The following CLIC2 variants were observed in gnomAD, a reference collection of about 807,000 sequenced individuals.
CLIC2 encodes the protein chloride intracellular channel protein 2.
Under a neutral mutation model 14.8 loss-of-function variants are expected in CLIC2, and 9 were observed. The ratio of observed to expected loss-of-function variants is 0.61; its 90% confidence interval spans 0.37 to 1.06. CLIC2 has a LOEUF of 1.06. Among genes scored for constraint, CLIC2 ranks in the 50% least tolerant of loss-of-function variants. The pLI, the probability that CLIC2 is intolerant of heterozygous loss-of-function variation, is 0.01. For missense variants in CLIC2, 148 were observed against 181.4 expected (o/e 0.82, Z 1.06); for synonymous variants, 61 against 66.3 (o/e 0.92, Z 0.39).
At chrX:155,288,451 G>C (rs2074950966) in intron 3 of CLIC2, among the ~76,000 whole-genome samples, 1 of 111,659 alleles carries the variant, frequency 9.0e-6, no homozygotes, top group African/African-American at 3.3e-5. Flanking sequence ...GTGGAATTTA[G>C]AGTATAATTG....
chrX:155,326,210 T>A, intron 1 of CLIC2, among the ~76,000 whole-genome samples: 1 of 111,036 alleles, frequency 9.0e-6, no homozygotes. Flanking sequence ...AATCATTGTG[T>A]TGTATACATT....
In CLIC2 at chrX:155,329,317, G is replaced by C. The variant is rs141805269; in HGVS notation, c.57+5054C>G. 6.9e-3 allele frequency among the ~76,000 whole-genome samples: 754 copies of C among 108,843 alleles called. 7 individuals are homozygous for C. Among genetic ancestry groups the C allele is most frequent in the African/African-American group, 0.024 (714 of 30,128 alleles). The allele number at this position is 108,843 out of a possible 115,157, so 94.5% of individuals were successfully genotyped here. On this transcript the variant is annotated intron_variant, in intron 1 of 5. Transcript: ENST00000369449. ...AGATGTGAATAGACATTCCTCAAAA[G>C]AAGATATACAAATGGTGAAGAGCCA...
At chrX:155,301,362 T>G (rs2075017254) in intron 1 of CLIC2, among the ~76,000 whole-genome samples, 1 of 110,826 alleles carries the variant, frequency 9.0e-6, no homozygotes, top group South Asian at 3.9e-4. Flanking sequence ...AGTTCACTCA[T>G]GATTTGGCTC....
At chrX:155,301,621 T>G (rs1175435091) in intron 1 of CLIC2, among the ~76,000 whole-genome samples, 54 of 77,314 alleles carry the variant, frequency 7.0e-4, no homozygotes, top group Non-Finnish European at 1.3e-3. Flanking sequence ...CTATGTTGAA[T>G]AGGAGTGGTG....
intron 1 of CLIC2, among the ~76,000 whole-genome samples, chrX:155,313,209 A>AAC (rs1569561360): frequency 1.8e-5 from 2 of 109,138 alleles, no homozygotes; most frequent in African/African-American, 3.3e-5. Flanking sequence ...AAAAAAAAAA[A>AAC]AAAAAACAAA....
intron 3 of CLIC2, among the ~76,000 whole-genome samples, chrX:155,297,884 A>AAAAAAAAAAAAAAAAAAAAAGAAG (rs1557318527): frequency 2.2e-5 from 1 of 45,217 alleles, no homozygotes; most frequent in Non-Finnish European, 4.9e-5. Context: ...AAAAAAAAAA[A>AAAAAAAAAAAAAAAAAAAAAGAAG]AAGAAGGTGA....
At chrX:155,285,518 T>TAACA (rs1369195378) in intron 3 of CLIC2, among the ~76,000 whole-genome samples, 3 of 111,970 alleles carry the variant, frequency 2.7e-5, no homozygotes, top group Non-Finnish European at 5.6e-5. Flanking sequence ...CTATGGCAGA[T>TAACA]AACACACTTA....
At chrX:155,310,389 A>G in intron 1 of CLIC2, 2 of 251,862 alleles carry the variant, frequency 7.9e-6, no homozygotes, top group Admixed American at 4.8e-5. Flanking sequence ...TATGTTTCTG[A>G]AGCCAATTTC....
At chrX:155,334,051 G>GA (rs1246688086) in intron 1 of CLIC2, among the ~76,000 whole-genome samples, 3 of 110,316 alleles carry the variant, frequency 2.7e-5, no homozygotes, top group Non-Finnish European at 5.7e-5. Flanking sequence ...TATAGATGGA[G>GA]AAAAAAAAGT....
At chrX:155,282,170 G>A (rs182254341) in intron 3 of CLIC2, among the ~76,000 whole-genome samples, 73 of 111,809 alleles carry the variant, frequency 6.5e-4, no homozygotes, top group African/African-American at 2.3e-3. Context: ...AGGTGAGGGG[G>A]ACACATGGAC....
intron 3 of CLIC2, among the ~76,000 whole-genome samples, chrX:155,296,639 ACAACT>A (rs1360812785): frequency 2.7e-5 from 3 of 111,488 alleles, no homozygotes; most frequent in African/African-American, 9.8e-5. Flanking sequence ...AGGAAATCAA[ACAACT>A]CAACAATAAA....
chrX:155,289,523 G>C (rs181894592), intron 3 of CLIC2, among the ~76,000 whole-genome samples: 5 of 112,300 alleles, frequency 4.5e-5, no homozygotes, highest in Admixed American at 9.4e-5. Context: ...TATTTGTTCA[G>C]AAGTGACAAA....
chrX:155,308,314 A>C (rs1164661694), intron 1 of CLIC2, among the ~76,000 whole-genome samples: 1 of 109,752 alleles, frequency 9.1e-6, no homozygotes, highest in East Asian at 2.9e-4. Flanking sequence ...GATCAAGCAG[A>C]AGAAAGAATT....
chrX:155,333,532 G>T (rs1418449050), intron 1 of CLIC2, among the ~76,000 whole-genome samples: 1 of 110,431 alleles, frequency 9.1e-6, no homozygotes, highest in East Asian at 2.8e-4. Context: ...TTATTATCCT[G>T]AATACTATCC....
At position 155,321,887 on chromosome X, in the gene CLIC2, A is replaced by T. The variant is rs191643244; in HGVS notation, c.57+12484T>A. 3.0e-3 allele frequency among the ~76,000 whole-genome samples: 332 copies of T among 108,905 alleles called. 2 individuals are homozygous for T. The highest frequency in any genetic ancestry group is 0.023 in the Admixed American group (232 of 10,279). The allele number at this position is 108,905 out of a possible 115,157, so 94.6% of individuals were successfully genotyped here. A position where few individuals can be genotyped will look rare whatever the true frequency, so the allele number is the denominator to read the frequency against. On this transcript the variant is annotated intron_variant, in intron 1 of 5. Transcript: ENST00000369449. ...GAATATTTACCAAGCAAATGGAAAG[A>T]AAAAAAAAGCAGGGGTTGCAATCCT... is the stretch of plus-strand genomic sequence containing the variant.
chrX:155,313,197 C>CAAAAAAAAA (rs59429236), intron 1 of CLIC2, among the ~76,000 whole-genome samples: 6 of 32,692 alleles, frequency 1.8e-4, no homozygotes, highest in East Asian at 8.9e-4. Flanking sequence ...ATAAATAAGG[C>CAAAAAAAAA]AAAAAAAAAA....
chrX:155,322,100 A>G (rs2075117531), intron 1 of CLIC2, among the ~76,000 whole-genome samples: 2 of 111,228 alleles, frequency 1.8e-5, no homozygotes, highest in Admixed American at 1.9e-4. Flanking sequence ...AGACTCCCAC[A>G]CAATAATAGT....
intron 4 of CLIC2, 148 bp from the exon 5 acceptor site, chrX:155,279,478 C>T: frequency 2.1e-6 from 1 of 467,878 alleles, no homozygotes; most frequent in South Asian, 3.3e-5. Context: ...ATTTAGAATG[C>T]TCAGCTACTC....
rs1557318527 is a variant in CLIC2 at position 155,297,884 on chromosome X, A to AAAAAAAAAAAG, written c.293+900_293+901insCTTTTTTTTTT. On this transcript the variant is annotated intron_variant, in intron 3 of 5. Transcript: ENST00000369449. ...TCAAAAAAAAAAAAAAAAAAAAAAA[A>AAAAAAAAAAAG]AAGAAGGTGAACCATCAGAGAGACA... is the stretch of plus-strand genomic sequence containing the variant. 8.2e-4 allele frequency among the ~76,000 whole-genome samples: 37 copies of AAAAAAAAAAAG among 45,211 alleles called. 5 individuals are homozygous for AAAAAAAAAAAG. Among genetic ancestry groups the AAAAAAAAAAAG allele is most frequent in the Non-Finnish European group, 1.1e-3 (23 of 20,614 alleles). The allele number at this position is 45,211 out of a possible 115,157, so 39.3% of individuals were successfully genotyped here. A position where few individuals can be genotyped will look rare whatever the true frequency, so the allele number is the denominator to read the frequency against.
Sources: allele counts gnomAD v4.1 joint callset (sites outside exome capture counted in the v4.1 genomes callset), GRCh38; gene constraint gnomAD v4.1.1; transcripts MANE v1.5; gene names NCBI Gene and HGNC (gene_info 2026-07-23, HGNC 2026-07-21).